Variants in UNC5C observed in about 807,000 individuals in gnomAD.
UNC5C encodes unc-5 netrin receptor C, also known as netrin receptor UNC5C.
In UNC5C, 47 loss-of-function variants were observed where a neutral mutation model predicts 99.8. The ratio of observed to expected loss-of-function variants is 0.47; its 90% CI spans 0.37 to 0.60. UNC5C has a LOEUF of 0.60. UNC5C is among the 20% of genes least tolerant of loss of function. The probability of loss-of-function intolerance (pLI) is 0.00; values close to 1 mark genes in which losing one functional copy is unlikely to be tolerated. For missense variants in UNC5C, 1,062 were observed against 1,165.9 expected (o/e 0.91, Z 1.30); for synonymous variants, 487 against 452.2 (o/e 1.08, Z -0.98).
chr4:95,347,239 C>T (rs1300731512), intron 1 of UNC5C, among the ~76,000 whole-genome samples: 1 of 151,908 alleles, frequency 6.6e-6, no homozygotes, highest in Non-Finnish European at 1.5e-5. Context: ...AACTGTAAAA[C>T]ATTGACAGAA....
At chr4:95,205,993 T>TATAC (rs1737861559) in intron 11 of UNC5C, among the ~76,000 whole-genome samples, 1 of 150,986 alleles carries the variant, frequency 6.6e-6, no homozygotes, top group African/African-American at 2.4e-5. Flanking sequence ...TATACGTATA[T>TATAC]ATACATATAC....
chr4:95,388,326 A>G, intron 1 of UNC5C, among the ~76,000 whole-genome samples: 1 of 152,364 alleles, frequency 6.6e-6, no homozygotes, highest in East Asian at 1.9e-4. Context: ...ATGGTTTTAG[A>G]GAATTTTTTT....
chr4:95,529,169 TACTA>T (rs1174181859), intron 1 of UNC5C, among the ~76,000 whole-genome samples: 3 of 151,642 alleles, frequency 2.0e-5, no homozygotes, highest in South Asian at 4.2e-4. Flanking sequence ...CTATGGGATA[TACTA>T]ACTAATACTT....
At chr4:95,176,820 G>C (rs546565269) in intron 14 of UNC5C, among the ~76,000 whole-genome samples, 76 of 152,372 alleles carry the variant, frequency 5.0e-4, no homozygotes, top group African/African-American at 1.8e-3. Context: ...TCTGGGCAAT[G>C]GCGGGGGCCC....
At chr4:95,250,778 TA>T (rs1326900504) in intron 4 of UNC5C, 111 bp from the exon 5 acceptor site, 1 of 1,075,380 alleles carries the variant, frequency 9.3e-7, no homozygotes, top group Non-Finnish European at 1.4e-6. Context: ...CGAGAAGCGA[TA>T]CCTGTGTTTT....
intron 1 of UNC5C, among the ~76,000 whole-genome samples, chr4:95,442,365 G>C (rs1436905124): frequency 1.4e-5 from 2 of 145,614 alleles, no homozygotes; most frequent in African/African-American, 5.3e-5. Flanking sequence ...ACCATGCCCA[G>C]CTAATTTTTT....
At chr4:95,385,274 G>C (rs566320085) in intron 1 of UNC5C, among the ~76,000 whole-genome samples, 1 of 152,292 alleles carries the variant, frequency 6.6e-6, no homozygotes, top group South Asian at 2.1e-4. Context: ...ATGTGCGGAA[G>C]TGCTCGTAAC....
intron 3 of UNC5C, among the ~76,000 whole-genome samples, chr4:95,281,646 G>A (rs1271872863): frequency 2.6e-5 from 4 of 152,298 alleles, no homozygotes; most frequent in South Asian, 2.1e-4. Flanking sequence ...CAGAAGGCAA[G>A]GATAATGTTA....
At chr4:95,455,529 G>C (rs2149468925) in intron 1 of UNC5C, among the ~76,000 whole-genome samples, 1 of 152,160 alleles carries the variant, frequency 6.6e-6, no homozygotes, top group Non-Finnish European at 1.5e-5. Flanking sequence ...GAGAGGTTAG[G>C]CTGGAGGATT....
intron 1 of UNC5C, among the ~76,000 whole-genome samples, chr4:95,401,816 A>G (rs572096400): frequency 6.6e-6 from 1 of 152,286 alleles, no homozygotes; most frequent in Non-Finnish European, 1.5e-5. Flanking sequence ...GCCAGGGACA[A>G]TATTTTATTC....
intron 1 of UNC5C, among the ~76,000 whole-genome samples, chr4:95,402,940 C>T (rs1018278763): frequency 3.9e-5 from 6 of 152,164 alleles, no homozygotes; most frequent in African/African-American, 1.4e-4. Context: ...TTCAGTGATT[C>T]ACTTTTTCAT....
intron 4 of UNC5C, among the ~76,000 whole-genome samples, chr4:95,263,838 T>A (rs908989178): frequency 6.6e-6 from 1 of 152,232 alleles, no homozygotes; most frequent in African/African-American, 2.4e-5. Context: ...GCTGGTGTTA[T>A]GGTGATTTCT....
chr4:95,238,399 A>G (rs1739204963), intron 7 of UNC5C, among the ~76,000 whole-genome samples: 1 of 152,202 alleles, frequency 6.6e-6, no homozygotes, highest in Non-Finnish European at 1.5e-5. Context: ...AAGGAAGTCT[A>G]ATGTAAATAC....
chr4:95,424,518 C>CTTATTTTTTTTTTTTTTTTT (rs1746411009), intron 1 of UNC5C, among the ~76,000 whole-genome samples: 1 of 67,952 alleles, frequency 1.5e-5, no homozygotes. Flanking sequence ...TTTTTCTTTT[C>CTTATTTTTTTTTTTTTTTTT]TTTTTTTTTT....
intron 12 of UNC5C, among the ~76,000 whole-genome samples, chr4:95,201,243 G>A (rs1386838276): frequency 2.0e-5 from 3 of 152,112 alleles, no homozygotes; most frequent in African/African-American, 7.2e-5. Flanking sequence ...TGACCCCTGA[G>A]TTTGCTTCTA....
chr4:95,423,679 A>C (rs1017628200), intron 1 of UNC5C, among the ~76,000 whole-genome samples: 1 of 152,226 alleles, frequency 6.6e-6, no homozygotes, highest in African/African-American at 2.4e-5. Context: ...AATGTCTTTT[A>C]AAATGAAGAG....
At position 95,220,138 on chromosome 4, in the gene UNC5C, T is replaced by C. The variant is rs1401398180; in HGVS notation, c.1147A>G (p.Ile383Val). ...DSDDVALYVG[I>V]VIAVIVCLAI... The stretch of plus-strand genomic sequence containing the variant: ...AGGCAAACGATCACTGCTATCACAA[T>C]CCCAACATAGAGAGCAACATCATCT... The change falls in exon 8 of 16, where the codon ATT (isoleucine) becomes GTT (valine). Residue 383 changes from isoleucine (I) to valine (V), a missense_variant. Transcript: ENST00000453304. 6.2e-7 allele frequency: 1 copy of C among 1,613,866 alleles called. No homozygotes were observed.
At chr4:95,483,053 G>T (rs1721215151) in intron 1 of UNC5C, among the ~76,000 whole-genome samples, 1 of 124,224 alleles carries the variant, frequency 8.0e-6, no homozygotes, top group African/African-American at 2.8e-5. Flanking sequence ...AAAAACACAT[G>T]CAGTAATAAA....
In UNC5C at chr4:95,448,291, G is replaced by A. The variant is rs1176305449; in HGVS notation, c.124+100443C>T. Reference sequence around the variant, plus strand: ...GCCTGATTTGTGGACACTGTCTTCTGTGGGAAGAACAATGAAGCATGGTTG... The same window carrying A: ...GCCTGATTTGTGGACACTGTCTTCTATGGGAAGAACAATGAAGCATGGTTG... On this transcript the variant is annotated intron_variant, in intron 1 of 15. Coordinates refer to ENST00000453304, the MANE Select transcript of UNC5C (RefSeq NM_003728.4). Among the ~76,000 whole-genome samples the A allele has an allele frequency of 2.0e-5, 3 of 147,342 alleles. No homozygotes were observed. In the Admixed American group the frequency reaches 2.1e-4, roughly 10 times the overall value.
Sources: allele counts gnomAD v4.1 joint callset (sites outside exome capture counted in the v4.1 genomes callset), GRCh38; gene constraint gnomAD v4.1.1; transcripts MANE v1.5; gene names NCBI Gene and HGNC (gene_info 2026-07-23, HGNC 2026-07-21).